The following CDH13 variants were observed in gnomAD, a reference collection of about 807,000 sequenced individuals.
The protein encoded by CDH13 is cadherin 13, also known as cadherin-13.
In CDH13, 24 loss-of-function variants were observed where a neutral mutation model predicts 63.8. That is an observed-to-expected ratio of 0.38 (90% CI 0.27 to 0.53). The LOEUF is 0.53. Ranked by LOEUF, CDH13 falls within the 20% of genes least tolerant of loss-of-function variation. The pLI is 0.85. For missense variants in CDH13, 1,049 were observed against 903.1 expected (o/e 1.16, Z -2.07); for synonymous variants, 503 against 355.3 (o/e 1.42, Z -4.67).
At chr16:82,982,999 C>T (rs747373971) in intron 2 of CDH13, among the ~76,000 whole-genome samples, 12 of 152,140 alleles carry the variant, frequency 7.9e-5, no homozygotes, top group Non-Finnish European at 1.5e-4. Context: ...GCCTCCACCA[C>T]AGGGAACACG....
intron 10 of CDH13, among the ~76,000 whole-genome samples, chr16:83,702,738 C>A (rs1372621588): frequency 2.0e-5 from 3 of 152,128 alleles, no homozygotes; most frequent in African/African-American, 4.8e-5. Flanking sequence ...CTGGTCACCT[C>A]CAGAGCTGAG....
At chr16:83,504,981 T>G (rs2074363336) in intron 7 of CDH13, among the ~76,000 whole-genome samples, 1 of 152,080 alleles carries the variant, frequency 6.6e-6, no homozygotes, top group African/African-American at 2.4e-5. Flanking sequence ...GTAAAAATGG[T>G]TAAGAGGAGT....
chr16:82,930,483 C>T (rs1368244615), intron 2 of CDH13, among the ~76,000 whole-genome samples: 3 of 151,922 alleles, frequency 2.0e-5, no homozygotes, highest in African/African-American at 4.8e-5. Flanking sequence ...CTTGAAGTAA[C>T]TTTATGGTTT....
chr16:83,392,363 A>G (rs1032866405), intron 6 of CDH13, among the ~76,000 whole-genome samples: 2 of 152,194 alleles, frequency 1.3e-5, no homozygotes, highest in African/African-American at 4.8e-5. Flanking sequence ...TATAACTTAT[A>G]TTGTATATTA....
intron 10 of CDH13, among the ~76,000 whole-genome samples, chr16:83,713,435 G>C (rs571164137): frequency 6.6e-6 from 1 of 152,076 alleles, no homozygotes; most frequent in South Asian, 2.1e-4. Context: ...GAGTTGGGGA[G>C]GGAGGGAGAT....
chr16:82,856,042 G>A (rs2039670515), intron 1 of CDH13, among the ~76,000 whole-genome samples: 2 of 152,126 alleles, frequency 1.3e-5, no homozygotes, highest in South Asian at 2.1e-4. Context: ...GAGGATTTGA[G>A]TGCAAGTAAT....
At chr16:82,739,353 C>T (rs916802700) in intron 1 of CDH13, among the ~76,000 whole-genome samples, 1 of 152,158 alleles carries the variant, frequency 6.6e-6, no homozygotes, top group African/African-American at 2.4e-5. Context: ...GAGAAGTTTC[C>T]TACCAAGAAT....
rs1916422254 is a variant in CDH13, at chr16:83,032,163, A to C, written c.311A>C (p.Glu104Ala). 6.2e-7 allele frequency: 1 copy of C among 1,613,792 alleles called. No homozygotes were observed. Among genetic ancestry groups the C allele is most frequent in the South Asian group, 1.1e-5 (1 of 91,070 alleles). Residue 104 changes from glutamate (E) to alanine (A), a missense_variant, in exon 3 of 14, where the codon GAA (glutamate) becomes GCA (alanine). Transcript: ENST00000567109. ...GTCCATGCACGGACCCCCCATGCGG[A>C]AGATATGGCAGAACTCGTGATTGTC... is the stretch of plus-strand genomic sequence containing the variant. The part of the protein sequence containing the change: ...LFVHARTPHA[E>A]DMAELVIVGG...
intron 7 of CDH13, among the ~76,000 whole-genome samples, chr16:83,570,239 G>T (rs62040173): frequency 0.081 from 12,369 of 152,150 alleles, 742 homozygotes; most frequent in South Asian, 0.15. Flanking sequence ...ATGCCAAACA[G>T]AGTATCCACT....
rs1205862934 is a variant in CDH13, at chr16:82,918,194, G to T, written c.157+59721G>T. ...AGAAAATAATCATCACCCTGCAAAAGGGTTGGACAAATATAAATAGGAGAA... is the reference window on the plus strand; with the variant it reads ...AGAAAATAATCATCACCCTGCAAAATGGTTGGACAAATATAAATAGGAGAA... On this transcript the variant is annotated intron_variant, in intron 2 of 13. Transcript: ENST00000567109. 2.0e-5 allele frequency among the ~76,000 whole-genome samples: 3 copies of T among 152,242 alleles called. No homozygotes were observed. The East Asian group carries it at 5.8e-4, about 29-fold the overall frequency.
chr16:83,512,407 A>G (rs879726610), intron 7 of CDH13, among the ~76,000 whole-genome samples: 1 of 150,346 alleles, frequency 6.7e-6, no homozygotes, highest in Non-Finnish European at 1.5e-5. Context: ...GTGGTGGCTC[A>G]TGCCTGTAAT....
chr16:82,648,953 G>T (rs954948172), intron 1 of CDH13, among the ~76,000 whole-genome samples: 5 of 152,188 alleles, frequency 3.3e-5, no homozygotes, highest in African/African-American at 7.2e-5. Context: ...GTATGGAAAA[G>T]AAAGAGCCAA....
intron 10 of CDH13, among the ~76,000 whole-genome samples, chr16:83,711,143 C>T (rs1209592848): frequency 6.6e-6 from 1 of 152,190 alleles, no homozygotes; most frequent in Non-Finnish European, 1.5e-5. Context: ...CCACTCTCCC[C>T]AGTTAGAAGT....
At chr16:83,721,367 C>T (rs557101003) in intron 10 of CDH13, 1 of 152,252 alleles carries the variant, frequency 6.6e-6, no homozygotes, top group South Asian at 2.1e-4. Flanking sequence ...GTTGCCTTCT[C>T]TTGATCTTTG....
At chr16:83,471,104 ACAAGGACC>A (rs2073441022) in intron 6 of CDH13, among the ~76,000 whole-genome samples, 2 of 151,928 alleles carry the variant, frequency 1.3e-5, no homozygotes. Context: ...TCTCTCTCTT[ACAAGGACC>A]TTGTTGGGCC....
intron 5 of CDH13, among the ~76,000 whole-genome samples, chr16:83,330,315 T>C (rs1395709020): frequency 6.6e-6 from 1 of 152,206 alleles, no homozygotes; most frequent in Non-Finnish European, 1.5e-5. Flanking sequence ...TATAGTTTTG[T>C]AAGATGTTTC....
chr16:83,348,323 A>G (rs909975282), intron 6 of CDH13, among the ~76,000 whole-genome samples: 15 of 152,196 alleles, frequency 9.9e-5, no homozygotes, highest in African/African-American at 3.4e-4. Context: ...ACTGATTTAG[A>G]TCCTCACAGA....
intron 4 of CDH13, among the ~76,000 whole-genome samples, chr16:83,153,083 G>A (rs185799595): frequency 1.3e-5 from 2 of 152,296 alleles, no homozygotes; most frequent in East Asian, 1.9e-4. Flanking sequence ...TAGAGAAAAA[G>A]TAATTCATGC....
At chr16:83,448,194 G>T (rs979224973) in intron 6 of CDH13, among the ~76,000 whole-genome samples, 1 of 152,028 alleles carries the variant, frequency 6.6e-6, no homozygotes. Context: ...CATGATCTGA[G>T]TCTAGCTATC....
Sources: gnomAD v4.1 joint callset for allele counts (sites outside exome capture counted in the v4.1 genomes callset) on GRCh38, gnomAD v4.1.1 for gene constraint, MANE v1.5 for transcripts, NCBI Gene and HGNC (gene_info 2026-07-23, HGNC 2026-07-21) for gene names.